The following PRDX3 variants were observed in gnomAD, a reference collection of about 807,000 sequenced individuals.
PRDX3 encodes the protein peroxiredoxin 3, also known as thioredoxin-dependent peroxide reductase, mitochondrial.
PRDX3 carries 20 observed loss-of-function variants against 30.4 expected under a neutral mutation model. The ratio of observed to expected loss-of-function variants is 0.66; its 90% confidence interval spans 0.46 to 0.96. The LOEUF (loss-of-function observed/expected upper bound fraction) is 0.96. Among genes scored for constraint, PRDX3 ranks in the 40% least tolerant of loss-of-function variants. The pLI is 0.00. For synonymous variants in PRDX3, 124 were observed against 117.8 expected, an observed-to-expected ratio of 1.05 and a Z score of -0.34; for missense variants, 322 against 318.3, an observed-to-expected ratio of 1.01 and a Z score of -0.09.
At chr10:119,168,706 G>A (rs975679386) in intron 6 of PRDX3, among the ~76,000 whole-genome samples, 173 bp from the exon 7 acceptor site, 6 of 151,002 alleles carry the variant, frequency 4.0e-5, no homozygotes, top group South Asian at 2.1e-4. Flanking sequence ...GGCCGGGCAC[G>A]GTGGCTCACG....
intron 1 of PRDX3, 40 bp downstream of exon 1, chr10:119,178,715 C>T (rs1225481873): frequency 6.5e-7 from 1 of 1,550,238 alleles, no homozygotes; most frequent in Non-Finnish European, 8.7e-7. Flanking sequence ...CCCGGAGCCA[C>T]CAGTGTCTCC....
Position 119,174,576 on chromosome 10 carries a change from T to G in PRDX3, c.186A>C (p.Ala62=), listed in dbSNP as rs1589664511. 4.4e-6 allele frequency: 7 copies of G among 1,595,362 alleles called. No homozygotes were observed. The highest frequency in any genetic ancestry group is 6.0e-6 in the Non-Finnish European group (7 of 1,175,120). ...AGGGTGCATGCTGGGTGACAGCAGG[T>G]GCATGGCATGAGGAACCTGAAAAAA... The part of the protein sequence containing the change: ...KLFSTSSSCH[A]PAVTQHAPYF... The change falls in exon 3 of 7, where the codon GCA becomes GCC. Residue 62 remains alanine, a synonymous_variant. Coordinates refer to ENST00000298510, the MANE Select transcript of PRDX3 (RefSeq NM_006793.5).
At chr10:119,169,389 A>G in intron 5 of PRDX3, 47 bp from the exon 6 acceptor site, 1 of 1,514,740 alleles carries the variant, frequency 6.6e-7, no homozygotes, top group Non-Finnish European at 9.1e-7. Flanking sequence ...TACCAGAACT[A>G]GAACAGTCTA....
In PRDX3 at chr10:119,168,700, G is replaced by A. The variant is rs150993651; in HGVS notation, c.718-167C>T. On this transcript the variant is annotated intron_variant, in intron 6 of 6. Transcript: ENST00000298510. ...ATTAAGGCCTGCCTGTCTCTAGGCC[G>A]GGCACGGTGGCTCACGCCGGTAATC... Among the ~76,000 whole-genome samples, 67 of 149,884 alleles carry A rather than the reference G, an allele frequency of 4.5e-4. 1 individual carries two copies. The East Asian group carries it at 9.8e-3, about 22-fold the overall frequency.
At chr10:119,178,717 A>T in intron 1 of PRDX3, 38 bp downstream of exon 1, 1 of 1,549,040 alleles carries the variant, frequency 6.5e-7, no homozygotes, top group Non-Finnish European at 8.7e-7. Flanking sequence ...CGGAGCCACC[A>T]GTGTCTCCAC....
At chr10:119,177,219 G>C in intron 1 of PRDX3, 66 bp from the exon 2 acceptor site, 4 of 1,546,096 alleles carry the variant, frequency 2.6e-6, no homozygotes, top group African/African-American at 1.4e-5. Context: ...AAAGGGCATC[G>C]TGCCAACGGT....
chr10:119,178,028 C>T (rs1296129472), intron 1 of PRDX3, among the ~76,000 whole-genome samples: 1 of 151,502 alleles, frequency 6.6e-6, no homozygotes, highest in Non-Finnish European at 1.5e-5. Context: ...CCACCATGCC[C>T]GGCTATTTTT....
intron 2 of PRDX3, among the ~76,000 whole-genome samples, chr10:119,175,783 AT>A (rs35370028): frequency 3.5e-5 from 5 of 143,292 alleles, no homozygotes; most frequent in Admixed American, 7.0e-5. Flanking sequence ...GGTTTCAGTG[AT>A]TTTTTTTTTT....
At position 119,174,584 on chromosome 10, in the gene PRDX3, A is replaced by G. The variant is rs200619645; in HGVS notation, c.178T>C (p.Cys60Arg). ...TGCTGGGTGACAGCAGGTGCATGGC[A>G]TGAGGAACCTGAAAAAAAACCCACA... is the stretch of plus-strand genomic sequence containing the variant. ...QAKLFSTSSS[C>R]HAPAVTQHAP... Residue 60 changes from cysteine (C) to arginine (R), a missense_variant, in exon 3 of 7, where the codon TGC becomes CGC. Transcript: ENST00000298510. The G allele has an allele frequency of 1.4e-5, 22 of 1,587,266 alleles. No individual in the cohort carries two copies. The highest frequency in any genetic ancestry group is 1.2e-4 in the Admixed American group (6 of 50,974).
intron 1 of PRDX3, among the ~76,000 whole-genome samples, chr10:119,177,385 C>T (rs537989736): frequency 1.3e-5 from 2 of 152,240 alleles, no homozygotes; most frequent in Admixed American, 6.5e-5. Context: ...ACCGGCTGGG[C>T]GCGGTTGCTC....
At chr10:119,174,346 A>T in intron 3 of PRDX3, 105 bp downstream of exon 3, 2 of 1,344,804 alleles carry the variant, frequency 1.5e-6, no homozygotes, top group Non-Finnish European at 1.0e-6. Flanking sequence ...GTCAGAAAGA[A>T]TCCTTCCTTT....
chr10:119,168,316 G>A lies in PRDX3; in HGVS notation c.*164C>T. 7.2e-7 allele frequency: 1 copy of A among 1,384,174 alleles called. No homozygotes were observed. Among genetic ancestry groups the A allele is most frequent in the Admixed American group, 3.0e-5 (1 of 33,216 alleles). 85.7% of individuals were successfully genotyped at this position (1,384,174 alleles called of 1,614,324 possible). ...TACTAGCAACTAACCATGTTTAAAA[G>A]GTCTTAGCCAGAATTACAAAAACAA... On this transcript the variant is annotated 3_prime_UTR_variant, in exon 7 of 7. Coordinates refer to ENST00000298510, the MANE Select transcript of PRDX3 (RefSeq NM_006793.5).
At chr10:119,172,038 A>G (rs529525833) in intron 5 of PRDX3, among the ~76,000 whole-genome samples, 1 of 152,354 alleles carries the variant, frequency 6.6e-6, no homozygotes, top group East Asian at 1.9e-4. Context: ...GGGGACATGC[A>G]TGTCTCAGCA....
At chr10:119,173,662 C>T (rs941046704) in intron 4 of PRDX3, 75 bp downstream of exon 4, 90 of 1,508,166 alleles carry the variant, frequency 6.0e-5, no homozygotes, top group Non-Finnish European at 7.7e-5. Context: ...TCTTGATAGT[C>T]CAGCAGCATA....
At chr10:119,178,659 T>C (rs1395843563) in intron 1 of PRDX3, 96 bp downstream of exon 1, 5 of 1,416,908 alleles carry the variant, frequency 3.5e-6, no homozygotes, top group Non-Finnish European at 3.9e-6. Flanking sequence ...GAAGGGCGAA[T>C]GGCCCTCATG....
At chr10:119,172,583 A>G in intron 4 of PRDX3, 98 bp from the exon 5 acceptor site, 3 of 1,014,216 alleles carry the variant, frequency 3.0e-6, no homozygotes, top group Non-Finnish European at 4.7e-6. Flanking sequence ...GGCGATAGGT[A>G]ACAGTAATTC....
At chr10:119,170,299 G>C (rs1035819109) in intron 5 of PRDX3, 1 of 152,268 alleles carries the variant, frequency 6.6e-6, no homozygotes. Context: ...GGGAGCCTGG[G>C]GTTTGAGGTG....
intron 5 of PRDX3, among the ~76,000 whole-genome samples, chr10:119,171,335 C>T (rs1245554647): frequency 2.0e-5 from 3 of 152,178 alleles, no homozygotes; most frequent in South Asian, 2.1e-4. Context: ...CCACCGCGCC[C>T]GGCCAGGTGA....
At position 119,176,970 on chromosome 10, in the gene PRDX3, G is replaced by A. The variant is rs766686536; in HGVS notation, c.169+51C>T. 5.6e-6 allele frequency: 9 copies of A among 1,610,170 alleles called. No individual in the cohort carries two copies. In the Admixed American group the frequency reaches 1.5e-4, roughly 27 times the overall value. On this transcript the variant is annotated intron_variant, in intron 2 of 6. Transcript: ENST00000298510. ...TTCAGAGCCCCTGTCCAGAGACGATGGTTCATTTTTCCTTTACCTGGCTCC... is the reference window on the plus strand; with the variant it reads ...TTCAGAGCCCCTGTCCAGAGACGATAGTTCATTTTTCCTTTACCTGGCTCC...
Sources: gnomAD v4.1 joint callset for allele counts (sites outside exome capture counted in the v4.1 genomes callset) on GRCh38, gnomAD v4.1.1 for gene constraint, MANE v1.5 for transcripts, NCBI Gene and HGNC (gene_info 2026-07-23, HGNC 2026-07-21) for gene names.